The following MYO7B variants were observed in gnomAD, a reference collection of about 807,000 sequenced individuals.
The protein encoded by MYO7B is myosin VIIB.
Under a neutral mutation model 259.7 loss-of-function variants are expected in MYO7B, and 212 were observed. The observed-to-expected ratio is 0.82, with a 90% confidence interval of 0.73 to 0.91. The LOEUF (loss-of-function observed/expected upper bound fraction) is 0.91, where lower values mean the gene tolerates loss of function less well. Among genes scored for constraint, MYO7B ranks in the 40% least tolerant of loss-of-function variants. MYO7B has a pLI of 0.00. For missense variants in MYO7B, 2,732 were observed against 2,813.5 expected, an observed-to-expected ratio of 0.97 and a Z score of 0.66; for synonymous variants, 1,197 against 1,166.4, an observed-to-expected ratio of 1.03 and a Z score of -0.54.
In MYO7B at chr2:127,577,444, C is replaced by T. The variant is rs1362024792; in HGVS notation, c.850-689C>T. On this transcript the variant is annotated intron_variant, in intron 8 of 47. Coordinates refer to ENST00000409816, the MANE Select transcript of MYO7B (RefSeq NM_001393586.1). The surrounding 1 kb of genome is among the most constrained non-coding windows in gnomAD (Gnocchi z 5.2). Reference sequence around the variant, plus strand: ...CTTTGGATGGCACTGCTGCAGTGACCCCTGCGGCTTGTAGGGTAGAAGTCC... The same window carrying T: ...CTTTGGATGGCACTGCTGCAGTGACTCCTGCGGCTTGTAGGGTAGAAGTCC... Among the ~76,000 whole-genome samples the T allele has an allele frequency of 6.6e-6, 1 of 152,104 alleles. No homozygotes were observed. Among genetic ancestry groups the T allele is most frequent in the African/African-American group, 2.4e-5 (1 of 41,414 alleles).
At position 127,631,868 on chromosome 2, in the gene MYO7B, T is replaced by G. The variant is rs1052862992; in HGVS notation, c.5249+115T>G. 11 of 1,341,770 alleles carry G rather than the reference T, an allele frequency of 8.2e-6. No homozygotes were observed. In the African/African-American group the frequency reaches 1.6e-4, roughly 19 times the overall value. 83.1% of individuals were successfully genotyped at this position (1,341,770 alleles called of 1,614,324 possible). The stretch of plus-strand genomic sequence containing the variant: ...AGCTGGTGGCGGCAGAACCCCTGCC[T>G]GGGCTCCTGCCTCAGCAGTGGGAAG... On this transcript the variant is annotated intron_variant, in intron 38 of 47. Coordinates refer to ENST00000409816, the MANE Select transcript of MYO7B (RefSeq NM_001393586.1).
chr2:127,576,810 G>A lies in MYO7B; in HGVS notation c.849+102G>A, dbSNP rs1678887784. On this transcript the variant is annotated intron_variant, in intron 8 of 47. Coordinates refer to ENST00000409816, the MANE Select transcript of MYO7B (RefSeq NM_001393586.1). The surrounding 1 kb of genome is among the most constrained non-coding windows in gnomAD (Gnocchi z 4.9). The stretch of plus-strand genomic sequence containing the variant: ...ACAGCTGCAGAGAAGCCCAACGCTG[G>A]CCGGGCCCCTGAGGCGGGGCTGGTT... 3.7e-6 allele frequency: 3 copies of A among 806,832 alleles called. No individual in the cohort carries two copies. The highest frequency in any genetic ancestry group is 5.8e-6 in the Non-Finnish European group (3 of 521,650). 50.0% of individuals were successfully genotyped at this position (806,832 alleles called of 1,614,324 possible).
chr2:127,566,035 T>G (rs1374443470), intron 4 of MYO7B, among the ~76,000 whole-genome samples: 1 of 152,258 alleles, frequency 6.6e-6, no homozygotes, highest in Non-Finnish European at 1.5e-5. Context: ...GAAAGCAGCT[T>G]GTGCTTCCAA....
At chr2:127,622,137 G>A in intron 28 of MYO7B, 36 bp downstream of exon 28, 2 of 1,535,776 alleles carry the variant, frequency 1.3e-6, no homozygotes, top group Non-Finnish European at 1.8e-6. Flanking sequence ...GGCAGGGTGG[G>A]GTGGTGCAGA....
In MYO7B at chr2:127,615,633, C is replaced by T. The variant is rs1052537229; in HGVS notation, c.3398+3030C>T. Among the ~76,000 whole-genome samples, 12 of 151,962 alleles carry T rather than the reference C, an allele frequency of 7.9e-5. No individual in the cohort carries two copies. The highest frequency in any genetic ancestry group is 1.5e-4 in the Non-Finnish European group (10 of 67,994). On this transcript the variant is annotated intron_variant, in intron 26 of 47. Coordinates refer to ENST00000409816, the MANE Select transcript of MYO7B (RefSeq NM_001393586.1). This position sits in a 1 kb window ranked among gnomAD's most constrained non-coding sequence, Gnocchi z 4.4. ...ACACTTGTGCCTGGGTCGTGACTGC[C>T]CTCAGCATTCCTTCTGGGCGGTAGA... is the stretch of plus-strand genomic sequence containing the variant.
At chr2:127,596,982 G>T (rs571371213) in intron 19 of MYO7B, among the ~76,000 whole-genome samples, 2 of 152,360 alleles carry the variant, frequency 1.3e-5, no homozygotes, top group Admixed American at 6.5e-5. Context: ...CAGCAGCGCT[G>T]CTGCCTTGCC....
intron 39 of MYO7B, 87 bp downstream of exon 39, chr2:127,632,488 C>T: frequency 6.9e-7 from 1 of 1,448,796 alleles, no homozygotes; most frequent in East Asian, 2.5e-5. Context: ...TCCAGGAGCT[C>T]ATGGTCCTGG....
At chr2:127,571,807 T>C (rs948842562) in intron 6 of MYO7B, among the ~76,000 whole-genome samples, 20 of 152,290 alleles carry the variant, frequency 1.3e-4, no homozygotes, top group South Asian at 6.2e-4. Context: ...GTTCGTTCTG[T>C]GTTCTGGATA....
At chr2:127,604,144 A>G (rs1680073215) in intron 19 of MYO7B, among the ~76,000 whole-genome samples, 1 of 152,222 alleles carries the variant, frequency 6.6e-6, no homozygotes, top group African/African-American at 2.4e-5. Flanking sequence ...AAAAAAAGAA[A>G]GAAAATCTGT....
At chr2:127,600,099 A>G (rs752572135) in intron 19 of MYO7B, among the ~76,000 whole-genome samples, 11 of 152,232 alleles carry the variant, frequency 7.2e-5, no homozygotes, top group Non-Finnish European at 1.3e-4. Context: ...ATGTTTGGCA[A>G]AAGTCTCCAG....
At chr2:127,606,952 G>A (rs1680173778) in intron 20 of MYO7B, among the ~76,000 whole-genome samples, 1 of 152,230 alleles carries the variant, frequency 6.6e-6, no homozygotes, top group Non-Finnish European at 1.5e-5. Context: ...CCCCAAGGAG[G>A]CCACTTTATT....
In MYO7B at chr2:127,576,384, GGAGTTCTCAGGGCAGGGATGAGA is replaced by G. The variant is rs1464905085; in HGVS notation, c.736-210_736-188del. On this transcript the variant is annotated intron_variant, in intron 7 of 47. Coordinates refer to ENST00000409816, the MANE Select transcript of MYO7B (RefSeq NM_001393586.1). The surrounding 1 kb of genome is among the most constrained non-coding windows in gnomAD (Gnocchi z 4.9). ...AGGAGCAGTCAAGATGCAGGGAAAT[GGAGTTCTCAGGGCAGGGATGAGA>G]CAGCCGCGGAGGCCCGGGACAGGGA... 6.6e-6 allele frequency among the ~76,000 whole-genome samples: 1 copy of G among 152,170 alleles called. No homozygotes were observed.
intron 1 of MYO7B, among the ~76,000 whole-genome samples, chr2:127,543,464 T>C (rs1386351821): frequency 3.3e-5 from 5 of 152,138 alleles, no homozygotes; most frequent in Non-Finnish European, 5.9e-5. Context: ...GAATTTTTCT[T>C]AGTACAGAAC....
In MYO7B at chr2:127,637,385, G is replaced by A; in HGVS notation, c.6397G>A (p.Gly2133Ser). Residue 2133 changes from glycine (G) to serine (S), a missense_variant, in exon 48 of 48, where the codon GGC becomes AGC. This residue lies in a region of MYO7B where 821 missense variants were observed against 769.3 expected (regional missense o/e 1.07). Coordinates refer to ENST00000409816, the MANE Select transcript of MYO7B (RefSeq NM_001393586.1). Reference sequence around the variant, plus strand: ...CCTGAGTGCCATGAACAAGCAGCGGGGCTCCAAGGCCCCAGCCCTGGCCAG... The same window carrying A: ...CCTGAGTGCCATGAACAAGCAGCGGAGCTCCAAGGCCCCAGCCCTGGCCAG... ...QLLSAMNKQR[G>S]SKAPALAST 1 of 1,571,366 alleles carries A rather than the reference G, an allele frequency of 6.4e-7. No individual in the cohort carries two copies.
intron 1 of MYO7B, among the ~76,000 whole-genome samples, chr2:127,554,249 T>C (rs1446489858): frequency 6.6e-6 from 1 of 152,124 alleles, no homozygotes; most frequent in East Asian, 1.9e-4. Context: ...TAATTTTGTA[T>C]TTTTAGTAGA....
At chr2:127,617,011 C>T (rs1680594065) in intron 26 of MYO7B, among the ~76,000 whole-genome samples, 1 of 152,124 alleles carries the variant, frequency 6.6e-6, no homozygotes, top group Admixed American at 6.5e-5. Context: ...TAACATTTTC[C>T]CACTTTAGGG....
chr2:127,539,871 G>T lies in MYO7B; in HGVS notation c.-24+4040G>T, dbSNP rs1050536568. On this transcript the variant is annotated intron_variant, in intron 1 of 47. Coordinates refer to ENST00000409816, the MANE Select transcript of MYO7B (RefSeq NM_001393586.1). The surrounding 1 kb of genome is among the most constrained non-coding windows in gnomAD (Gnocchi z 4.0). The stretch of plus-strand genomic sequence containing the variant: ...GAAAGTCCCCAAAGTCCATTGTATC[G>T]TTCTTACGCCTTTGCAGCCTCATAG... Among the ~76,000 whole-genome samples the T allele has an allele frequency of 6.6e-6, 1 of 152,140 alleles. No individual in the cohort carries two copies. The highest frequency in any genetic ancestry group is 1.5e-5 in the Non-Finnish European group (1 of 68,014).
chr2:127,634,315 CGGTG>C (rs1558855818), intron 41 of MYO7B, 26 bp downstream of exon 41: 1 of 1,508,874 alleles, frequency 6.6e-7, no homozygotes, highest in South Asian at 1.2e-5. Flanking sequence ...GCTGGGCAGA[CGGTG>C]GGCGGACGGG....
At chr2:127,547,521 G>C (rs1381546823) in intron 1 of MYO7B, among the ~76,000 whole-genome samples, 2 of 152,202 alleles carry the variant, frequency 1.3e-5, no homozygotes, top group East Asian at 3.8e-4. Context: ...GAAGAGGTAA[G>C]ATACAAGGTG....
Sources: gnomAD v4.1 joint callset for allele counts (sites outside exome capture counted in the v4.1 genomes callset) on GRCh38, gnomAD v4.1.1 for gene constraint, gnomAD v4.1.1 regional missense constraint, Gnocchi (gnomAD v3.1) non-coding constraint, MANE v1.5 for transcripts, NCBI Gene and HGNC (gene_info 2026-07-23, HGNC 2026-07-21) for gene names.